Variants in LGR5 observed in about 807,000 individuals in gnomAD.
LGR5 encodes leucine rich repeat containing G protein-coupled receptor 5.
LGR5 carries 54 observed loss-of-function variants against 76.7 expected under a neutral mutation model. The observed-to-expected ratio is 0.70, with a 90% CI of 0.57 to 0.88. The LOEUF is 0.88. Ranked by LOEUF, LGR5 falls within the 40% of genes least tolerant of loss-of-function variation. The probability of loss-of-function intolerance (pLI) is 0.00; values close to 1 mark genes in which losing one functional copy is unlikely to be tolerated. For synonymous variants in LGR5, 406 were observed against 421.9 expected (o/e 0.96, Z 0.46); for missense variants, 1,078 against 1,073.3 (o/e 1.00, Z -0.06).
chr12:71,547,199 T>C (rs1471481247), intron 4 of LGR5, among the ~76,000 whole-genome samples: 1 of 152,246 alleles, frequency 6.6e-6, no homozygotes, highest in Non-Finnish European at 1.5e-5. Context: ...ATATTTTTCC[T>C]CAGCCATTTT....
Position 71,440,418 on chromosome 12 carries a change from C to A in LGR5, c.212+126C>A, listed in dbSNP as rs1016636082. The A allele has an allele frequency of 4.6e-6, 4 of 875,394 alleles. No homozygotes were observed. The highest frequency in any genetic ancestry group is 3.3e-4 in the Middle Eastern group (1 of 3,070). 54.2% of individuals were successfully genotyped at this position (875,394 alleles called of 1,614,324 possible). ...GGGAGGGGGGCGAGTTTGTCAAGGG[C>A]ATCCTGGCCAGGCCTGTTAGGGCCC... On this transcript the variant is annotated intron_variant, in intron 1 of 17. Transcript: ENST00000266674. The surrounding 1 kb of genome is among the most constrained non-coding windows in gnomAD (Gnocchi z 5.3).
At chr12:71,500,169 A>G (rs1207622864) in intron 1 of LGR5, among the ~76,000 whole-genome samples, 6 of 152,130 alleles carry the variant, frequency 3.9e-5, no homozygotes, top group African/African-American at 1.4e-4. Context: ...GAAAAAAAAA[A>G]TAGAGCTTCA....
intron 1 of LGR5, among the ~76,000 whole-genome samples, chr12:71,503,879 G>C (rs1874722510): frequency 6.6e-6 from 1 of 152,098 alleles, no homozygotes; most frequent in Non-Finnish European, 1.5e-5. Flanking sequence ...AGACAGTAAA[G>C]AAATAGGGGG....
In LGR5 at chr12:71,448,424, A is replaced by G. The variant is rs59526572; in HGVS notation, c.212+8132A>G. Reference sequence around the variant, plus strand: ...TAGTACATAACAAGGATATTATTTTAAAGTTGGTTGGTTAATGTGGGCTGT... The same window carrying G: ...TAGTACATAACAAGGATATTATTTTGAAGTTGGTTGGTTAATGTGGGCTGT... On this transcript the variant is annotated intron_variant, in intron 1 of 17. Transcript: ENST00000266674. The G allele has an allele frequency of 9.2e-5, 14 of 152,344 alleles. No homozygotes were observed. The East Asian group carries it at 1.7e-3, about 19-fold the overall frequency. The allele number at this position is 152,344 out of a possible 1,614,324, so 9.4% of individuals were successfully genotyped here. A position where few individuals can be genotyped will look rare whatever the true frequency, so the allele number is the denominator to read the frequency against.
intron 1 of LGR5, among the ~76,000 whole-genome samples, chr12:71,483,864 G>C (rs934466229): frequency 5.9e-5 from 9 of 152,088 alleles, no homozygotes; most frequent in African/African-American, 2.2e-4. Flanking sequence ...TAATCAATAG[G>C]ACTGATGGCC....
At chr12:71,565,714 G>A (rs889308313) in intron 8 of LGR5, among the ~76,000 whole-genome samples, 3 of 151,104 alleles carry the variant, frequency 2.0e-5, no homozygotes, top group African/African-American at 4.9e-5. Context: ...TACTTTAAAC[G>A]TGGTAGACAT....
At chr12:71,453,248 A>C (rs1872322749) in intron 1 of LGR5, among the ~76,000 whole-genome samples, 1 of 152,206 alleles carries the variant, frequency 6.6e-6, no homozygotes, top group Non-Finnish European at 1.5e-5. Context: ...TCAAATAGAC[A>C]AAAGATTATG....
At chr12:71,462,361 C>A (rs962647984) in intron 1 of LGR5, among the ~76,000 whole-genome samples, 1 of 152,068 alleles carries the variant, frequency 6.6e-6, no homozygotes, top group Admixed American at 6.6e-5. Flanking sequence ...GATTGAAATC[C>A]TAGGTTAATT....
At chr12:71,512,455 T>TG (rs1875204351) in intron 2 of LGR5, among the ~76,000 whole-genome samples, 1 of 152,216 alleles carries the variant, frequency 6.6e-6, no homozygotes, top group Non-Finnish European at 1.5e-5. Context: ...GAATATGCAT[T>TG]AGAATCGCCT....
Position 71,577,973 on chromosome 12 carries a change from C to T in LGR5, c.1257C>T (p.Ser419=), listed in dbSNP as rs763536156. The T allele has an allele frequency of 1.2e-6, 2 of 1,613,366 alleles. No individual in the cohort carries two copies. The highest frequency in any genetic ancestry group is 2.2e-5 in the East Asian group (1 of 44,868). ...KIAIIHPNAF[S]TLPSLIKLDL... ...CTATTATTCACCCCAATGCATTTTC[C>T]ACTTTGCCATCCCTAATAAAGCTGT... Residue 419 remains serine, a synonymous_variant, in exon 14 of 18, where the codon TCC becomes TCT. Transcript: ENST00000266674.
At position 71,566,423 on chromosome 12, in the gene LGR5, A is replaced by G. The variant is rs1406218605; in HGVS notation, c.877A>G (p.Ile293Val). Reference protein sequence around the residue: ...LITIHFYDNPIQFVGRSAFQH... With the variant: ...LITIHFYDNPVQFVGRSAFQH... ...TTTTAGACATTTCTATGACAATCCC[A>G]TCCAGTTTGTTGGGAGATCTGCTTT... The change falls in exon 9 of 18, where the codon ATC becomes GTC. Residue 293 changes from isoleucine (I) to valine (V), a missense_variant. Physicochemically the swap from Ile to Val is conservative, Grantham distance 29. Transcript: ENST00000266674. 1.9e-6 allele frequency: 3 copies of G among 1,601,976 alleles called. No individual in the cohort carries two copies. Among genetic ancestry groups the G allele is most frequent in the Admixed American group, 3.3e-5 (2 of 59,940 alleles).
rs887335630 is a variant in LGR5, at chr12:71,585,456, T to C, written c.*722T>C. On this transcript the variant is annotated 3_prime_UTR_variant, in exon 18 of 18. Coordinates refer to ENST00000266674, the MANE Select transcript of LGR5 (RefSeq NM_003667.4). Reference sequence around the variant, plus strand: ...TCTTAAATTGTTACTAAGGCAATCATGCACAGGTGACGTATGTCTTATCTG... The same window carrying C: ...TCTTAAATTGTTACTAAGGCAATCACGCACAGGTGACGTATGTCTTATCTG... 6.6e-6 allele frequency: 1 copy of C among 152,252 alleles called. No individual in the cohort carries two copies. The highest frequency in any genetic ancestry group is 6.5e-5 in the Admixed American group (1 of 15,290). The allele number at this position is 152,252 out of a possible 1,614,324, so 9.4% of individuals were successfully genotyped here. A position where few individuals can be genotyped will look rare whatever the true frequency, so the allele number is the denominator to read the frequency against.
intron 1 of LGR5, among the ~76,000 whole-genome samples, chr12:71,443,002 A>T (rs1871833407): frequency 6.6e-6 from 1 of 152,234 alleles, no homozygotes; most frequent in African/African-American, 2.4e-5. Context: ...GCAGTGTACC[A>T]AGACTGATGT....
At chr12:71,571,668 T>C in intron 12 of LGR5, 89 bp downstream of exon 12, 1 of 907,392 alleles carries the variant, frequency 1.1e-6, no homozygotes, top group Non-Finnish European at 1.8e-6. Context: ...ACCCTGTGGT[T>C]CACTGGGGAG....
intron 11 of LGR5, chr12:71,567,335 G>C (rs1425619771): frequency 5.4e-6 from 1 of 185,424 alleles, no homozygotes; most frequent in Non-Finnish European, 1.1e-5. Flanking sequence ...CATCCTTCCA[G>C]TATAGTTGTC....
intron 4 of LGR5, among the ~76,000 whole-genome samples, chr12:71,537,564 G>A (rs975587676): frequency 2.6e-5 from 4 of 152,290 alleles, no homozygotes; most frequent in South Asian, 2.1e-4. Context: ...ACCAACAAAA[G>A]GAGTGCCCTA....
chr12:71,461,504 C>A (rs543939749), intron 1 of LGR5, among the ~76,000 whole-genome samples: 5 of 152,248 alleles, frequency 3.3e-5, no homozygotes, highest in African/African-American at 1.2e-4. Flanking sequence ...TATTATCATG[C>A]TCCCCACTAG....
intron 12 of LGR5, 37 bp from the exon 13 acceptor site, chr12:71,572,813 A>G: frequency 6.5e-7 from 1 of 1,536,318 alleles, no homozygotes; most frequent in South Asian, 1.1e-5. Flanking sequence ...TGAAACCAGT[A>G]ACTTTGAAAT....
intron 2 of LGR5, among the ~76,000 whole-genome samples, chr12:71,509,609 G>A (rs1156800515): frequency 6.6e-6 from 1 of 152,182 alleles, no homozygotes; most frequent in Non-Finnish European, 1.5e-5. Context: ...TAGTAGAGAT[G>A]TTGGGAGCTA....
Sources: allele counts gnomAD v4.1 joint callset (sites outside exome capture counted in the v4.1 genomes callset), GRCh38; gene constraint gnomAD v4.1.1; non-coding constraint Gnocchi (gnomAD v3.1); transcripts MANE v1.5; gene names NCBI Gene and HGNC (gene_info 2026-07-23, HGNC 2026-07-21).